The following HCN1 variants were observed in gnomAD, a reference collection of about 807,000 sequenced individuals.
The protein encoded by HCN1 is hyperpolarization activated cyclic nucleotide gated potassium channel 1.
A neutral mutation model predicts 78.9 loss-of-function variants in HCN1; 13 were observed. That is an observed-to-expected ratio of 0.16 (90% CI 0.11 to 0.26). HCN1 has a LOEUF of 0.26. HCN1 is among the 10% of genes least tolerant of loss of function. The probability of loss-of-function intolerance (pLI) is 1.00; values close to 1 mark genes in which losing one functional copy is unlikely to be tolerated. For missense variants in HCN1, 810 were observed against 1,154.3 expected, an observed-to-expected ratio of 0.70 and a Z score of 4.32; for synonymous variants, 552 against 455.5, an observed-to-expected ratio of 1.21 and a Z score of -2.70.
intron 2 of HCN1, among the ~76,000 whole-genome samples, chr5:45,569,849 C>T (rs1360536416): frequency 6.6e-6 from 1 of 152,020 alleles, no homozygotes; most frequent in Non-Finnish European, 1.5e-5. Context: ...TCCTTATCCT[C>T]ATCATCATCA....
chr5:45,482,375 G>C (rs2111677622), intron 2 of HCN1, among the ~76,000 whole-genome samples: 1 of 152,250 alleles, frequency 6.6e-6, no homozygotes. Flanking sequence ...GTAAAGTGTA[G>C]CTTCCAACAC....
intron 2 of HCN1, chr5:45,480,188 T>A (rs550137491): frequency 1.3e-5 from 2 of 152,700 alleles, no homozygotes; most frequent in South Asian, 4.1e-4. Context: ...AAATTGCATT[T>A]ATTATAAACC....
At chr5:45,380,857 A>T (rs181408777) in intron 4 of HCN1, among the ~76,000 whole-genome samples, 17 of 152,260 alleles carry the variant, frequency 1.1e-4, no homozygotes, top group Non-Finnish European at 2.4e-4. Flanking sequence ...GCTTGCTCAA[A>T]GTGAGATTAA....
intron 1 of HCN1, among the ~76,000 whole-genome samples, chr5:45,669,677 T>C (rs1746112029): frequency 6.6e-6 from 1 of 151,822 alleles, no homozygotes; most frequent in Non-Finnish European, 1.5e-5. Context: ...AAAATTTCTC[T>C]GAGAGAAATG....
chr5:45,270,387 A>G (rs1488961990), intron 6 of HCN1, among the ~76,000 whole-genome samples: 1 of 152,202 alleles, frequency 6.6e-6, no homozygotes, highest in East Asian at 1.9e-4. Context: ...ACTGTTAGTG[A>G]TTGAGTTAGG....
At chr5:45,362,772 C>T (rs1426858261) in intron 4 of HCN1, among the ~76,000 whole-genome samples, 1 of 152,030 alleles carries the variant, frequency 6.6e-6, no homozygotes, top group Non-Finnish European at 1.5e-5. Flanking sequence ...GGATTTGAAT[C>T]TAGGCAATAT....
chr5:45,392,673 C>T (rs187140482), intron 4 of HCN1, among the ~76,000 whole-genome samples: 1 of 151,756 alleles, frequency 6.6e-6, no homozygotes, highest in African/African-American at 2.4e-5. Flanking sequence ...CCTGCCTCTA[C>T]TAAAAATACA....
chr5:45,542,301 T>G, intron 2 of HCN1, among the ~76,000 whole-genome samples: 1 of 152,096 alleles, frequency 6.6e-6, no homozygotes, highest in Admixed American at 6.6e-5. Context: ...TGCTCCAAAC[T>G]CATTTTTGCA....
intron 2 of HCN1, among the ~76,000 whole-genome samples, chr5:45,466,485 C>T (rs916252092): frequency 2.0e-5 from 3 of 151,944 alleles, no homozygotes; most frequent in African/African-American, 7.3e-5. Context: ...GAAAATGGGC[C>T]AAAAATGCCT....
chr5:45,581,346 C>T (rs1297897203), intron 2 of HCN1, among the ~76,000 whole-genome samples: 1 of 152,106 alleles, frequency 6.6e-6, no homozygotes, highest in African/African-American at 2.4e-5. Context: ...TTGTATCCTT[C>T]ACCCACTTTT....
At chr5:45,371,915 A>G (rs1166297098) in intron 4 of HCN1, among the ~76,000 whole-genome samples, 3 of 110,306 alleles carry the variant, frequency 2.7e-5, no homozygotes, top group African/African-American at 1.0e-4. Flanking sequence ...TATAAAAAAT[A>G]TATAATATAC....
chr5:45,341,060 T>C (rs192316745), intron 5 of HCN1, among the ~76,000 whole-genome samples: 5 of 152,226 alleles, frequency 3.3e-5, no homozygotes, highest in African/African-American at 1.2e-4. Flanking sequence ...TTCTATCTTA[T>C]CTTTCTGTCT....
At chr5:45,481,415 A>C (rs868765259) in intron 2 of HCN1, among the ~76,000 whole-genome samples, 5 of 152,204 alleles carry the variant, frequency 3.3e-5, no homozygotes, top group Admixed American at 1.3e-4. Flanking sequence ...TGGGCGATGG[A>C]AACTAAGAAG....
At chr5:45,432,587 C>T (rs1424060732) in intron 3 of HCN1, among the ~76,000 whole-genome samples, 1 of 152,080 alleles carries the variant, frequency 6.6e-6, no homozygotes, top group East Asian at 1.9e-4. Context: ...ATACTTTCAG[C>T]TTTTGCCCAT....
At chr5:45,576,161 TAGAAGTGGCGCCTCA>T (rs1743941286) in intron 2 of HCN1, 2 of 152,198 alleles carry the variant, frequency 1.3e-5, no homozygotes, top group Non-Finnish European at 2.9e-5. Flanking sequence ...GAACTAGAAT[TAGAAGTGGCGCCTCA>T]AGAAGTGACT....
intron 2 of HCN1, among the ~76,000 whole-genome samples, chr5:45,641,211 G>A (rs1561229313): frequency 6.6e-6 from 1 of 152,064 alleles, no homozygotes; most frequent in Non-Finnish European, 1.5e-5. Context: ...TTATAGATAG[G>A]CAATTTATAG....
intron 6 of HCN1, among the ~76,000 whole-genome samples, chr5:45,281,535 A>G (rs1458838649): frequency 1.4e-5 from 2 of 139,916 alleles, no homozygotes; most frequent in African/African-American, 5.4e-5. Context: ...ACAAAAAAGT[A>G]TTTGAGAGCA....
intron 6 of HCN1, among the ~76,000 whole-genome samples, chr5:45,286,427 C>A (rs1003945354): frequency 1.3e-5 from 2 of 151,888 alleles, no homozygotes; most frequent in East Asian, 3.9e-4. Flanking sequence ...AAAATAAGAA[C>A]TTTTAACATA....
chr5:45,491,016 C>T (rs1741872024), intron 2 of HCN1, among the ~76,000 whole-genome samples: 1 of 152,104 alleles, frequency 6.6e-6, no homozygotes. Flanking sequence ...CATCAGTTTT[C>T]CTATCTTTAT....
Sources: gnomAD v4.1 joint callset for allele counts (sites outside exome capture counted in the v4.1 genomes callset) on GRCh38, gnomAD v4.1.1 for gene constraint, MANE v1.5 for transcripts, NCBI Gene and HGNC (gene_info 2026-07-23, HGNC 2026-07-21) for gene names.